The following MTUS2 variants were observed in gnomAD, a reference collection of about 807,000 sequenced individuals.
The protein encoded by MTUS2 is microtubule-associated tumor suppressor candidate 2.
In MTUS2, 40 loss-of-function variants were observed where a neutral mutation model predicts 114.1. The observed-to-expected ratio is 0.35, with a 90% CI of 0.27 to 0.46. The LOEUF (loss-of-function observed/expected upper bound fraction) is 0.46. Among genes scored for constraint, MTUS2 ranks in the 20% least tolerant of loss-of-function variants. The pLI is 1.00. For synonymous variants in MTUS2, 688 were observed against 672.0 expected, an observed-to-expected ratio of 1.02 and a Z score of -0.37; for missense variants, 1,679 against 1,705.4, an observed-to-expected ratio of 0.98 and a Z score of 0.27.
chr13:29,469,700 G>A (rs969762501), intron 9 of MTUS2, among the ~76,000 whole-genome samples: 1 of 151,766 alleles, frequency 6.6e-6, no homozygotes, highest in Non-Finnish European at 1.5e-5. Context: ...CCAGAAATTT[G>A]GAAGGCCAAA....
chr13:29,124,490 G>C (rs1302973229), intron 5 of MTUS2, among the ~76,000 whole-genome samples: 2 of 152,112 alleles, frequency 1.3e-5, no homozygotes, highest in Non-Finnish European at 2.9e-5. Context: ...GATTGGACTA[G>C]AATGGTGTAC....
chr13:29,471,373 T>A (rs1467702784), intron 9 of MTUS2, among the ~76,000 whole-genome samples: 1 of 151,968 alleles, frequency 6.6e-6, no homozygotes. Flanking sequence ...AAAATGAAAT[T>A]TTGCTTCCTA....
intron 5 of MTUS2, among the ~76,000 whole-genome samples, chr13:29,221,295 TA>T (rs1221053978): frequency 1.3e-5 from 2 of 152,250 alleles, no homozygotes; most frequent in Admixed American, 1.3e-4. Flanking sequence ...TACCTTATGT[TA>T]AAAGGCAATG....
chr13:29,217,119 C>T (rs1468261591), intron 5 of MTUS2, among the ~76,000 whole-genome samples: 1 of 152,168 alleles, frequency 6.6e-6, no homozygotes, highest in Admixed American at 6.5e-5. Context: ...CCCCAATGTC[C>T]TCTTTCATTC....
At chr13:28,934,676 A>G (rs185922471) in intron 2 of MTUS2, among the ~76,000 whole-genome samples, 5 of 152,268 alleles carry the variant, frequency 3.3e-5, no homozygotes, top group Admixed American at 3.3e-4. Flanking sequence ...GGCATGTGCC[A>G]CCATGCCTTG....
At chr13:29,300,354 C>G (rs1447740926) in intron 6 of MTUS2, among the ~76,000 whole-genome samples, 1 of 152,136 alleles carries the variant, frequency 6.6e-6, no homozygotes. Context: ...TAAAATGTTG[C>G]ACACCTGGTA....
intron 5 of MTUS2, among the ~76,000 whole-genome samples, chr13:29,219,997 C>CTT (rs779482115): frequency 4.2e-5 from 6 of 143,212 alleles, no homozygotes; most frequent in Admixed American, 2.1e-4. Flanking sequence ...TGGAACAGCA[C>CTT]TTTTTTTTTT....
At chr13:29,301,394 G>A (rs982401271) in intron 6 of MTUS2, among the ~76,000 whole-genome samples, 1 of 152,188 alleles carries the variant, frequency 6.6e-6, no homozygotes, top group Non-Finnish European at 1.5e-5. Flanking sequence ...TACAACCTGG[G>A]AAAAACATGG....
At chr13:29,027,428 T>A (rs1886607715) in intron 3 of MTUS2, among the ~76,000 whole-genome samples, 1 of 150,872 alleles carries the variant, frequency 6.6e-6, no homozygotes, top group African/African-American at 2.4e-5. Context: ...TAACATATAA[T>A]TGAGGGCCAG....
chr13:28,873,155 C>G (rs1449661314), intron 2 of MTUS2, among the ~76,000 whole-genome samples: 2 of 152,182 alleles, frequency 1.3e-5, no homozygotes, highest in Non-Finnish European at 2.9e-5. Flanking sequence ...AGCTGTATTT[C>G]CCACAGACCC....
chr13:28,879,624 A>C (rs539087173), intron 2 of MTUS2, among the ~76,000 whole-genome samples: 3 of 152,264 alleles, frequency 2.0e-5, no homozygotes, highest in Non-Finnish European at 4.4e-5. Flanking sequence ...TAAATTTGAG[A>C]GAGTGAATTT....
intron 2 of MTUS2, among the ~76,000 whole-genome samples, chr13:28,978,524 T>C (rs1566266237): frequency 6.6e-6 from 1 of 152,254 alleles, no homozygotes; most frequent in South Asian, 2.1e-4. Flanking sequence ...CCTTTCCTTA[T>C]GTAAACTCTT....
rs141421844 is a variant in MTUS2 at position 29,004,631 on chromosome 13, A to G, written c.-242-19826A>G. On this transcript the variant is annotated intron_variant, in intron 2 of 15. Transcript: ENST00000612955. ...ATCATCAGAAGTTGCCCAATATAAT[A>G]TTTTAGCATGTTAGTTTAGCTTGCC... Among the ~76,000 whole-genome samples, 158 of 152,318 alleles carry G rather than the reference A, an allele frequency of 1.0e-3. 2 individuals carry two copies. Among genetic ancestry groups the G allele is most frequent in the Middle Eastern group, 6.8e-3 (2 of 294 alleles).
chr13:29,215,471 GCTGT>G (rs1895638081), intron 5 of MTUS2, among the ~76,000 whole-genome samples: 1 of 65,098 alleles, frequency 1.5e-5, no homozygotes, highest in Admixed American at 1.8e-4. Context: ...GCATTTTTTT[GCTGT>G]TTTTTTTTTT....
chr13:28,913,157 G>A (rs1319413427), intron 2 of MTUS2, among the ~76,000 whole-genome samples: 2 of 152,156 alleles, frequency 1.3e-5, no homozygotes. Context: ...ATGTTGAATA[G>A]CAGTGGTGAG....
chr13:28,989,605 T>G (rs913271665), intron 2 of MTUS2, among the ~76,000 whole-genome samples: 1 of 152,100 alleles, frequency 6.6e-6, no homozygotes, highest in Non-Finnish European at 1.5e-5. Flanking sequence ...GGTCTTCTGC[T>G]CCAGCAGTCC....
intron 9 of MTUS2, among the ~76,000 whole-genome samples, chr13:29,449,117 G>A (rs1293535031): frequency 6.6e-6 from 1 of 152,022 alleles, no homozygotes; most frequent in African/African-American, 2.4e-5. Flanking sequence ...TTAAATCCAT[G>A]TTTTGATTAA....
intron 2 of MTUS2, among the ~76,000 whole-genome samples, chr13:29,002,066 A>C (rs1484998797): frequency 2.0e-5 from 3 of 152,208 alleles, no homozygotes; most frequent in Admixed American, 2.0e-4. Context: ...ACCCATCTTG[A>C]ACTTCTGACC....
chr13:29,220,180 A>G (rs1036739904), intron 5 of MTUS2, among the ~76,000 whole-genome samples: 1 of 151,464 alleles, frequency 6.6e-6, no homozygotes, highest in Admixed American at 6.6e-5. Context: ...GTTTTTTTTT[A>G]AGTAGAGATG....
Sources: allele counts gnomAD v4.1 joint callset (sites outside exome capture counted in the v4.1 genomes callset), GRCh38; gene constraint gnomAD v4.1.1; transcripts MANE v1.5; gene names NCBI Gene and HGNC (gene_info 2026-07-23, HGNC 2026-07-21).